HPD: variants seen among roughly 807,000 people sequenced by gnomAD.
The protein encoded by HPD is 4-hydroxyphenylpyruvic acid oxidase.
A neutral mutation model predicts 56.9 loss-of-function variants in HPD; 35 were observed. The ratio of observed to expected loss-of-function variants is 0.62; its 90% CI spans 0.47 to 0.82. HPD has a LOEUF of 0.82. Ranked by LOEUF, HPD falls within the 40% of genes least tolerant of loss-of-function variation. The pLI, the probability that HPD is intolerant of heterozygous loss-of-function variation, is 0.00. For synonymous variants in HPD, 186 were observed against 200.2 expected, an observed-to-expected ratio of 0.93 and a Z score of 0.60; for missense variants, 442 against 506.8, an observed-to-expected ratio of 0.87 and a Z score of 1.23.
chr12:121,853,147 G>A (rs1476983069), intron 7 of HPD, among the ~76,000 whole-genome samples: 5 of 152,106 alleles, frequency 3.3e-5, no homozygotes, highest in Admixed American at 6.6e-5. Flanking sequence ...GACACATCAC[G>A]GGGAACAACA....
chr12:121,876,573 G>T, the HPD span, among the ~76,000 whole-genome samples: 1 of 152,094 alleles, frequency 6.6e-6, no homozygotes, highest in African/African-American at 2.4e-5. Flanking sequence ...GGAGGGTAAG[G>T]TTACTCAAGC....
the HPD span, among the ~76,000 whole-genome samples, chr12:121,879,055 C>G: frequency 2.0e-5 from 3 of 151,364 alleles, no homozygotes; most frequent in Admixed American, 6.6e-5. Context: ...GAGGCTGAGG[C>G]GGGTGTATCG....
At chr12:121,840,087 C>A in intron 12 of HPD, 39 bp from the exon 13 acceptor site, 1 of 1,364,770 alleles carries the variant, frequency 7.3e-7, no homozygotes, top group South Asian at 1.2e-5. Context: ...GGGAGGCTGG[C>A]ACGGTGAGAT....
chr12:121,853,452 C>CCCCGT (rs1332696983), intron 7 of HPD, among the ~76,000 whole-genome samples: 1 of 148,714 alleles, frequency 6.7e-6, no homozygotes, highest in Non-Finnish European at 1.5e-5. Context: ...CACGGTGAAA[C>CCCCGT]CTCTACTAAA....
At chr12:121,850,374 C>G (rs1877726085) in intron 7 of HPD, among the ~76,000 whole-genome samples, 1 of 149,936 alleles carries the variant, frequency 6.7e-6, no homozygotes. Context: ...TTGCAGTGAG[C>G]AGAGATCGTG....
intron 7 of HPD, among the ~76,000 whole-genome samples, chr12:121,850,382 G>A (rs1214738448): frequency 4.0e-5 from 6 of 150,530 alleles, no homozygotes; most frequent in East Asian, 2.0e-4. Flanking sequence ...AGCAGAGATC[G>A]TGCCACTACA....
rs1878093981 is a variant in HPD, at chr12:121,858,696, T to G, written c.21A>C (p.Lys7Asn). 1 of 1,613,994 alleles carries G rather than the reference T, an allele frequency of 6.2e-7. No homozygotes were observed. The highest frequency in any genetic ancestry group is 1.3e-5 in the African/African-American group (1 of 74,924). The change falls in exon 2 of 14, where the codon AAA becomes AAC. Residue 7 changes from lysine to asparagine, a missense_variant. Transcript: ENST00000289004. The stretch of plus-strand genomic sequence containing the variant: ...CATTTCGCCTGCTTACCTTTGCCCC[T>G]TTGTCACTGTAAGTCGTCTAAGGAG... MTTYSD[K>N]GAKPERGRFL...
upstream of HPD, among the ~76,000 whole-genome samples, chr12:121,866,662 C>CACATCTAGTT (rs1212084650): frequency 6.6e-6 from 1 of 151,888 alleles, no homozygotes; most frequent in Non-Finnish European, 1.5e-5. Context: ...TCTGGTTCTG[C>CACATCTAGTT]AGCAAAGTCT....
chr12:121,881,018 C>T, the HPD span, among the ~76,000 whole-genome samples: 1 of 152,196 alleles, frequency 6.6e-6, no homozygotes, highest in Admixed American at 6.5e-5. Context: ...GTCTCGAACT[C>T]CTGACCTCAG....
upstream of HPD, among the ~76,000 whole-genome samples, chr12:121,860,001 T>C (rs989846077): frequency 2.0e-5 from 3 of 152,052 alleles, no homozygotes; most frequent in Admixed American, 6.6e-5. Flanking sequence ...CTACTAAAAA[T>C]ACAAACATTA....
At chr12:121,860,010 T>G (rs913585026), upstream of HPD, among the ~76,000 whole-genome samples, 1 of 151,992 alleles carries the variant, frequency 6.6e-6, no homozygotes, top group African/African-American at 2.4e-5. Flanking sequence ...ATACAAACAT[T>G]AGCTGGGCAC....
chr12:121,882,512 A>G, the HPD span, among the ~76,000 whole-genome samples: 1 of 152,124 alleles, frequency 6.6e-6, no homozygotes, highest in Non-Finnish European at 1.5e-5. Flanking sequence ...GGAAAGGGGA[A>G]AGACAGCTCT....
the HPD span, among the ~76,000 whole-genome samples, chr12:121,877,928 G>T: frequency 9.9e-5 from 15 of 152,268 alleles, no homozygotes; most frequent in African/African-American, 3.1e-4. Context: ...TTGATTTGAA[G>T]ATTGTCTTGT....
upstream of HPD, among the ~76,000 whole-genome samples, chr12:121,863,345 C>T (rs552257147): frequency 4.6e-3 from 696 of 152,294 alleles, 4 homozygotes; most frequent in Non-Finnish European, 5.6e-3. Flanking sequence ...AGCAACAAGC[C>T]GAGAGAGGGT....
the HPD span, among the ~76,000 whole-genome samples, chr12:121,877,808 C>T: frequency 2.6e-5 from 4 of 152,150 alleles, no homozygotes; most frequent in Non-Finnish European, 4.4e-5. Context: ...ACTCTGCCAA[C>T]GAGGGCAGTA....
chr12:121,848,709 G>T (rs952377215), intron 9 of HPD, among the ~76,000 whole-genome samples: 3 of 152,066 alleles, frequency 2.0e-5, no homozygotes, highest in Admixed American at 6.6e-5. Context: ...GGGTTCAAGC[G>T]ATTCTCCTGC....
the HPD span, among the ~76,000 whole-genome samples, chr12:121,875,427 C>CTTTTTTTTT: frequency 7.4e-6 from 1 of 134,762 alleles, no homozygotes; most frequent in Non-Finnish European, 1.6e-5. Flanking sequence ...TTCTTTCTTT[C>CTTTTTTTTT]TTTTTTTTTT....
chr12:121,842,988 C>T (rs1384371869), intron 12 of HPD, among the ~76,000 whole-genome samples: 1 of 151,930 alleles, frequency 6.6e-6, no homozygotes, highest in Non-Finnish European at 1.5e-5. Flanking sequence ...CCTCATGATC[C>T]GCCCGCCTCG....
intron 7 of HPD, among the ~76,000 whole-genome samples, chr12:121,853,515 G>A (rs558048351): frequency 7.2e-5 from 11 of 151,854 alleles, no homozygotes; most frequent in African/African-American, 1.7e-4. Flanking sequence ...CCAGCTACTC[G>A]GGAGGCTGAG....
Sources: allele counts gnomAD v4.1 joint callset (sites outside exome capture counted in the v4.1 genomes callset), GRCh38; gene constraint gnomAD v4.1.1; transcripts MANE v1.5; gene names NCBI Gene and HGNC (gene_info 2026-07-23, HGNC 2026-07-21).